The following PDE9A variants were observed in gnomAD, a reference collection of about 807,000 sequenced individuals.
The protein encoded by PDE9A is phosphodiesterase 9A.
A neutral mutation model predicts 87.4 loss-of-function variants in PDE9A; 60 were observed. The ratio of observed to expected loss-of-function variants is 0.69; its 90% CI spans 0.56 to 0.85. PDE9A has a LOEUF of 0.85. Ranked by LOEUF, PDE9A falls within the 40% of genes least tolerant of loss-of-function variation. The probability of loss-of-function intolerance (pLI) is 0.00; values close to 1 mark genes in which losing one functional copy is unlikely to be tolerated. For missense variants in PDE9A, 665 were observed against 779.0 expected (o/e 0.85, Z 1.74); for synonymous variants, 272 against 279.4 (o/e 0.97, Z 0.27).
rs539931881 is a variant in PDE9A at position 42,733,510 on chromosome 21, G to A, written c.568+84G>A. On this transcript the variant is annotated intron_variant, in intron 7 of 19. Coordinates refer to ENST00000291539, the MANE Select transcript of PDE9A (RefSeq NM_002606.3). ...ACCACTTGGAACGGGGAGGAGTTCAGTGCCGAAGGTAAATACAAATAAATG... is the reference window on the plus strand; with the variant it reads ...ACCACTTGGAACGGGGAGGAGTTCAATGCCGAAGGTAAATACAAATAAATG... The A allele has an allele frequency of 2.2e-3, 1,711 of 774,980 alleles. 2 individuals are homozygous for A. Among genetic ancestry groups the A allele is most frequent in the Non-Finnish European group, 3.2e-3 (1,366 of 431,194 alleles). 48.0% of individuals were successfully genotyped at this position (774,980 alleles called of 1,614,324 possible).
chr21:42,763,081 C>T (rs1372410580), intron 14 of PDE9A, among the ~76,000 whole-genome samples: 1 of 152,130 alleles, frequency 6.6e-6, no homozygotes, highest in African/African-American at 2.4e-5. Flanking sequence ...AGGAAGATGA[C>T]CTGGTCCACC....
At chr21:42,699,722 A>AT (rs3216679) in intron 4 of PDE9A, among the ~76,000 whole-genome samples, 1 of 151,278 alleles carries the variant, frequency 6.6e-6, no homozygotes, top group South Asian at 2.1e-4. Flanking sequence ...AGCCTGGGTA[A>AT]TTTTTTTTGT....
chr21:42,737,859 G>C (rs141494646), intron 7 of PDE9A, among the ~76,000 whole-genome samples: 1 of 152,178 alleles, frequency 6.6e-6, no homozygotes, highest in African/African-American at 2.4e-5. Flanking sequence ...GGAATTTCCT[G>C]CTTCTTCTTA....
chr21:42,668,705 G>T (rs576543160), intron 1 of PDE9A, among the ~76,000 whole-genome samples: 1 of 152,338 alleles, frequency 6.6e-6, no homozygotes, highest in East Asian at 1.9e-4. Context: ...TGACAAATGA[G>T]CCCTGTGCGG....
At chr21:42,737,606 C>T (rs1044739395) in intron 7 of PDE9A, among the ~76,000 whole-genome samples, 6 of 152,214 alleles carry the variant, frequency 3.9e-5, no homozygotes, top group African/African-American at 7.2e-5. Context: ...TATAGCTGCC[C>T]GCCACCATGT....
intron 1 of PDE9A, among the ~76,000 whole-genome samples, chr21:42,656,019 G>A (rs35812502): frequency 0.067 from 10,220 of 152,280 alleles, 415 homozygotes; most frequent in Middle Eastern, 0.12. Context: ...GTGCTGTCAC[G>A]GATGGGTTGC....
Position 42,664,263 on chromosome 21 carries a change from C to T in PDE9A, c.69+10380C>T, listed in dbSNP as rs547234916. Among the ~76,000 whole-genome samples the T allele has an allele frequency of 2.1e-3, 323 of 152,362 alleles. 3 individuals carry two copies. The highest frequency in any genetic ancestry group is 7.4e-3 in the African/African-American group (308 of 41,592). ...TGGGCAATGGTGCCTCACCTCGCAG[C>T]ATGACACAGGGCTGATGACACGGGG... On this transcript the variant is annotated intron_variant, in intron 1 of 19. Coordinates refer to ENST00000291539, the MANE Select transcript of PDE9A (RefSeq NM_002606.3).
At chr21:42,679,920 T>C (rs1024319889) in intron 1 of PDE9A, among the ~76,000 whole-genome samples, 3 of 152,178 alleles carry the variant, frequency 2.0e-5, no homozygotes, top group Admixed American at 6.5e-5. Flanking sequence ...ACAGACTCTT[T>C]CTCAAGCCAG....
chr21:42,683,962 G>A (rs959309628), intron 1 of PDE9A, among the ~76,000 whole-genome samples: 1 of 152,214 alleles, frequency 6.6e-6, no homozygotes, highest in Admixed American at 6.5e-5. Context: ...ACCCAGGTTG[G>A]AACACAGGGA....
chr21:42,677,750 C>T (rs2058935128), intron 1 of PDE9A, among the ~76,000 whole-genome samples: 1 of 152,162 alleles, frequency 6.6e-6, no homozygotes, highest in Non-Finnish European at 1.5e-5. Context: ...TCAAGTGATT[C>T]TCCTGCCTCG....
Position 42,704,433 on chromosome 21 carries a change from A to AAC in PDE9A, c.262+5458_262+5459dup, listed in dbSNP as rs34581078. ...CAGGTAGACCCCCCCCACCCCACCA[A>AAC]ACACACACACACACACACACACACA... is the stretch of plus-strand genomic sequence containing the variant. On this transcript the variant is annotated intron_variant, in intron 4 of 19. Transcript: ENST00000291539. This position sits in a 1 kb window ranked among gnomAD's most constrained non-coding sequence, Gnocchi z 5.3. 0.22 allele frequency among the ~76,000 whole-genome samples: 30,317 copies of AAC among 136,936 alleles called. 3,574 individuals are homozygous for AAC. The highest frequency in any genetic ancestry group is 0.39 in the South Asian group (1,592 of 4,106). 89.8% of individuals were successfully genotyped at this position (136,936 alleles called of 152,430 possible). A position where few individuals can be genotyped will look rare whatever the true frequency, so the allele number is the denominator to read the frequency against.
chr21:42,681,730 C>G (rs1393100465), intron 1 of PDE9A, among the ~76,000 whole-genome samples: 1 of 152,242 alleles, frequency 6.6e-6, no homozygotes, highest in East Asian at 1.9e-4. Context: ...GCCGTGCATT[C>G]TCGTAAGCTC....
chr21:42,731,738 T>C, intron 4 of PDE9A, 32 bp from the exon 5 acceptor site: 2 of 1,592,330 alleles, frequency 1.3e-6, no homozygotes, highest in Non-Finnish European at 8.5e-7. Flanking sequence ...ACTTCCCATA[T>C]TTGGAAACCC....
intron 1 of PDE9A, among the ~76,000 whole-genome samples, chr21:42,657,716 G>A (rs2057187850): frequency 6.6e-6 from 1 of 152,240 alleles, no homozygotes; most frequent in South Asian, 2.1e-4. Context: ...GGGCCAGGCT[G>A]TGGGCTCGGG....
rs2050778948 is a variant in PDE9A at position 42,723,993 on chromosome 21, G to A, written c.263-7777G>A. Among the ~76,000 whole-genome samples the A allele has an allele frequency of 2.0e-5, 3 of 152,228 alleles. No individual in the cohort carries two copies. Among genetic ancestry groups the A allele is most frequent in the African/African-American group, 7.2e-5 (3 of 41,468 alleles). On this transcript the variant is annotated intron_variant, in intron 4 of 19. Coordinates refer to ENST00000291539, the MANE Select transcript of PDE9A (RefSeq NM_002606.3). This position sits in a 1 kb window ranked among gnomAD's most constrained non-coding sequence, Gnocchi z 4.3. ...GTCACACATAATATCAAATTTGGCT[G>A]ACACAAGGTGATTTTGCCACGAAGG...
Position 42,762,182 on chromosome 21 carries a change from G to T in PDE9A, c.1185G>T (p.Glu395Asp), listed in dbSNP as rs369535680. 1 of 1,614,184 alleles carries T rather than the reference G, an allele frequency of 6.2e-7. No individual in the cohort carries two copies. The highest frequency in any genetic ancestry group is 1.7e-5 in the Admixed American group (1 of 60,020). The stretch of plus-strand genomic sequence containing the variant: ...CCGTGGCCTTCCAGATCCTCGCCGA[G>T]CCTGAGTGCAACATCTTCTCCAACA... The part of the protein sequence containing the change: ...HCAVAFQILA[E>D]PECNIFSNIP... Residue 395 changes from glutamate to aspartate, a missense_variant, in exon 14 of 20, where the codon GAG becomes GAT. Glu to Asp is a conservative substitution (Grantham distance 45). Transcript: ENST00000291539.
chr21:42,660,218 CCA>C lies in PDE9A; in HGVS notation c.69+6336_69+6337del, dbSNP rs2057379176. On this transcript the variant is annotated intron_variant, in intron 1 of 19. Transcript: ENST00000291539. This position sits in a 1 kb window ranked among gnomAD's most constrained non-coding sequence, Gnocchi z 4.7. ...TGGGCAAGAAGGGCCCAGAGAGCCC[CCA>C]GAGACCAGACGGCACAGCCCGATAG... Among the ~76,000 whole-genome samples, 1 of 152,206 alleles carries C rather than the reference CCA, an allele frequency of 6.6e-6. No individual in the cohort carries two copies. Among genetic ancestry groups the C allele is most frequent in the Non-Finnish European group, 1.5e-5 (1 of 68,034 alleles).
intron 10 of PDE9A, chr21:42,757,356 C>T (rs145112237): frequency 2.0e-5 from 3 of 152,370 alleles, no homozygotes; most frequent in South Asian, 2.1e-4. Flanking sequence ...GAGAACCCTC[C>T]GCCTCCTTCA....
intron 1 of PDE9A, among the ~76,000 whole-genome samples, chr21:42,678,207 G>A (rs2058960655): frequency 6.6e-6 from 1 of 152,242 alleles, no homozygotes; most frequent in Admixed American, 6.5e-5. Flanking sequence ...GAGGGGTTTG[G>A]CGGGATCTCT....
Sources: allele counts gnomAD v4.1 joint callset (sites outside exome capture counted in the v4.1 genomes callset), GRCh38; gene constraint gnomAD v4.1.1; non-coding constraint Gnocchi (gnomAD v3.1); transcripts MANE v1.5; gene names NCBI Gene and HGNC (gene_info 2026-07-23, HGNC 2026-07-21).